Variants in VPS13C observed in about 807,000 individuals in gnomAD.
The protein encoded by VPS13C is vacuolar protein sorting 13 homolog C.
VPS13C carries 358 observed loss-of-function variants against 456.8 expected under a neutral mutation model. The observed-to-expected ratio is 0.78, with a 90% CI of 0.72 to 0.86. The LOEUF (loss-of-function observed/expected upper bound fraction) is 0.86. VPS13C is among the 40% of genes least tolerant of loss of function. The pLI is 0.00. For missense variants in VPS13C, 4,818 were observed against 4,385.4 expected, an observed-to-expected ratio of 1.10 and a Z score of -2.79; for synonymous variants, 1,578 against 1,486.7, an observed-to-expected ratio of 1.06 and a Z score of -1.41.
intron 1 of VPS13C, among the ~76,000 whole-genome samples, chr15:62,059,164 A>AT (rs1000605422): frequency 6.6e-6 from 1 of 152,156 alleles, no homozygotes; most frequent in Non-Finnish European, 1.5e-5. Flanking sequence ...TTGAGGTATT[A>AT]TTTTTTTCTC....
chr15:61,991,942 G>GTTGTGAGCAT, intron 16 of VPS13C, 140 bp from the exon 17 acceptor site: 1 of 912,638 alleles, frequency 1.1e-6, no homozygotes, highest in Non-Finnish European at 1.6e-6. Context: ...CTTAAATGAT[G>GTTGTGAGCAT]CTCACAACAT....
At chr15:62,033,565 C>T in intron 4 of VPS13C, 23 bp from the exon 5 acceptor site, 2 of 1,482,530 alleles carry the variant, frequency 1.3e-6, no homozygotes, top group East Asian at 2.4e-5. Context: ...AGTCAATTCA[C>T]ACAAAAATAA....
At chr15:62,042,146 T>C (rs941019189) in intron 2 of VPS13C, among the ~76,000 whole-genome samples, 2 of 152,170 alleles carry the variant, frequency 1.3e-5, no homozygotes, top group Non-Finnish European at 2.9e-5. Context: ...ATTCCCAATA[T>C]ATTATTTACC....
chr15:62,040,473 A>G (rs2048203093), intron 3 of VPS13C, among the ~76,000 whole-genome samples: 1 of 152,104 alleles, frequency 6.6e-6, no homozygotes, highest in African/African-American at 2.4e-5. Flanking sequence ...CCCCATAAAT[A>G]TATATACCTA....
chr15:61,912,144 C>G, intron 62 of VPS13C, 140 bp from the exon 63 acceptor site: 1 of 800,104 alleles, frequency 1.2e-6, no homozygotes, highest in Non-Finnish European at 1.7e-6. Flanking sequence ...TTACATTCTG[C>G]AAAAGATTAT....
chr15:61,910,511 T>A (rs911427160), intron 63 of VPS13C, among the ~76,000 whole-genome samples: 1 of 152,128 alleles, frequency 6.6e-6, no homozygotes. Context: ...AGAATACAGA[T>A]ATATTAGTCT....
intron 75 of VPS13C, 81 bp downstream of exon 75, chr15:61,876,892 C>T: frequency 1.0e-6 from 1 of 1,000,956 alleles, no homozygotes; most frequent in Non-Finnish European, 1.4e-6. Flanking sequence ...ATAAACATTA[C>T]TGCACACTAT....
At chr15:62,020,204 T>G (rs910423985) in intron 9 of VPS13C, among the ~76,000 whole-genome samples, 3 of 151,892 alleles carry the variant, frequency 2.0e-5, no homozygotes, top group African/African-American at 7.2e-5. Flanking sequence ...CATCTTCCCC[T>G]ACTTCCCCCA....
In VPS13C at chr15:61,991,807, A is replaced by G. The variant is rs775278614; in HGVS notation, c.1354-5T>C. The stretch of plus-strand genomic sequence containing the variant: ...TTTTTGCCCAGACCGAATCACCTGA[A>G]AAATAAAAATTAAAAAATTTACTTT... On this transcript the variant is annotated splice_region_variant and splice_polypyrimidine_tract_variant and intron_variant, in intron 16 of 84. Transcript: ENST00000644861. The G allele has an allele frequency of 5.0e-6, 8 of 1,607,528 alleles. No homozygotes were observed. Among genetic ancestry groups the G allele is most frequent in the Non-Finnish European group, 5.1e-6 (6 of 1,177,702 alleles).
At chr15:61,965,956 T>TTTATAACTC (rs2045362967) in intron 30 of VPS13C, 127 bp downstream of exon 30, 2 of 574,996 alleles carry the variant, frequency 3.5e-6, no homozygotes, top group East Asian at 6.3e-5. Flanking sequence ...GATGAGGTTA[T>TTTATAACTC]TTATAACTCT....
chr15:61,893,167 C>T (rs2042701884), intron 66 of VPS13C, among the ~76,000 whole-genome samples: 1 of 152,058 alleles, frequency 6.6e-6, no homozygotes. Context: ...AAGAAGACTA[C>T]CCTAAGGCAT....
At chr15:61,884,571 G>A (rs919577308) in intron 67 of VPS13C, among the ~76,000 whole-genome samples, 1 of 151,650 alleles carries the variant, frequency 6.6e-6, no homozygotes, top group African/African-American at 2.4e-5. Flanking sequence ...CAAAATTCAA[G>A]TTATTAGATA....
At chr15:62,022,954 A>G (rs191465126) in intron 8 of VPS13C, among the ~76,000 whole-genome samples, 1 of 152,014 alleles carries the variant, frequency 6.6e-6, no homozygotes, top group Non-Finnish European at 1.5e-5. Context: ...GTGTGTGAAT[A>G]ATTTTGGGTG....
chr15:61,854,939 G>A lies in VPS13C; in HGVS notation c.11092C>T (p.His3698Tyr). 1.2e-6 allele frequency: 2 copies of A among 1,610,230 alleles called. No individual in the cohort carries two copies. The highest frequency in any genetic ancestry group is 1.7e-6 in the Non-Finnish European group (2 of 1,178,980). ...CCTTGATTGGCACTGTCTTTTTTGT[G>A]GAACAGACCCTGTTCCTGTTTCAAA... ...KISVKEQGLFHKKDSANQGCV... is the reference protein window; with the variant it reads ...KISVKEQGLFYKKDSANQGCV... Residue 3698 changes from histidine (H) to tyrosine (Y), a missense_variant, in exon 84 of 85, where the codon CAC (histidine) becomes TAC (tyrosine). Around this residue, in one of 3 missense-constraint regions of VPS13C, gnomAD observed 261 missense variants for 234.1 expected, o/e 1.11. Transcript: ENST00000644861.
At chr15:61,975,240 G>A (rs1327663098) in intron 24 of VPS13C, among the ~76,000 whole-genome samples, 2 of 151,764 alleles carry the variant, frequency 1.3e-5, no homozygotes, top group Non-Finnish European at 2.9e-5. Flanking sequence ...AAAAGCAAAC[G>A]AAATCCAAAG....
chr15:62,019,979 T>A (rs987302372), intron 9 of VPS13C, among the ~76,000 whole-genome samples: 29 of 151,126 alleles, frequency 1.9e-4, no homozygotes, highest in African/African-American at 6.3e-4. Flanking sequence ...TATATATGTA[T>A]GTGTGTATAT....
At chr15:62,006,718 C>T (rs1048653296) in intron 15 of VPS13C, among the ~76,000 whole-genome samples, 4 of 152,194 alleles carry the variant, frequency 2.6e-5, no homozygotes, top group Non-Finnish European at 5.9e-5. Flanking sequence ...TACAATCCCA[C>T]CAACAGTGTA....
At chr15:62,011,103 T>C (rs1458727347) in intron 12 of VPS13C, among the ~76,000 whole-genome samples, 2 of 152,066 alleles carry the variant, frequency 1.3e-5, no homozygotes, top group Non-Finnish European at 2.9e-5. Flanking sequence ...TATATAACCT[T>C]AGAATCAACT....
intron 1 of VPS13C, among the ~76,000 whole-genome samples, chr15:62,045,637 T>C (rs1189435856): frequency 6.6e-6 from 1 of 152,068 alleles, no homozygotes; most frequent in Non-Finnish European, 1.5e-5. Context: ...AGAGATAAAA[T>C]ATATATAACA....
Sources: allele counts gnomAD v4.1 joint callset (sites outside exome capture counted in the v4.1 genomes callset), GRCh38; gene constraint gnomAD v4.1.1; regional missense constraint gnomAD v4.1.1; transcripts MANE v1.5; gene names NCBI Gene and HGNC (gene_info 2026-07-23, HGNC 2026-07-21).